Variants in PIK3R4 observed in about 807,000 individuals in gnomAD.
PIK3R4 encodes phosphoinositide-3-kinase regulatory subunit 4.
In PIK3R4, 46 loss-of-function variants were observed where a neutral mutation model predicts 136.5. The ratio of observed to expected loss-of-function variants is 0.34; its 90% confidence interval spans 0.27 to 0.43. The LOEUF (loss-of-function observed/expected upper bound fraction) is 0.43. PIK3R4 is among the 20% of genes least tolerant of loss of function. The probability of loss-of-function intolerance (pLI) is 1.00; values close to 1 mark genes in which losing one functional copy is unlikely to be tolerated. For synonymous variants in PIK3R4, 557 were observed against 566.7 expected (o/e 0.98, Z 0.24); for missense variants, 1,331 against 1,649.5 (o/e 0.81, Z 3.35).
In PIK3R4 at chr3:130,706,818, A is replaced by G. The variant is rs1048500044; in HGVS notation, c.2721+130T>C. On this transcript the variant is annotated intron_variant, in intron 11 of 19. Transcript: ENST00000356763. ...TTAAAGATAAACCTGTCTTAGAAAG[A>G]AATATGACCTCCCTAAAAGACAAGT... The G allele has an allele frequency of 1.8e-5, 10 of 560,040 alleles. No homozygotes were observed. The Middle Eastern group carries it at 9.5e-4, about 53-fold the overall frequency. 34.7% of individuals were successfully genotyped at this position (560,040 alleles called of 1,614,324 possible). A position where few individuals can be genotyped will look rare whatever the true frequency, so the allele number is the denominator to read the frequency against.
chr3:130,721,707 G>C (rs918658651), intron 7 of PIK3R4, among the ~76,000 whole-genome samples: 1 of 152,146 alleles, frequency 6.6e-6, no homozygotes, highest in African/African-American at 2.4e-5. Flanking sequence ...CTTAGAAGTA[G>C]AGAGTAGAAT....
intron 13 of PIK3R4, among the ~76,000 whole-genome samples, chr3:130,699,830 A>T (rs1205771006): frequency 3.3e-5 from 5 of 152,224 alleles, no homozygotes; most frequent in African/African-American, 1.2e-4. Flanking sequence ...TATTATAAAG[A>T]AAGTCAATCT....
At chr3:130,710,386 T>G (rs1286771183) in intron 9 of PIK3R4, among the ~76,000 whole-genome samples, 1 of 152,026 alleles carries the variant, frequency 6.6e-6, no homozygotes, top group Non-Finnish European at 1.5e-5. Context: ...AATTTAACAT[T>G]CTTCCAATAA....
At chr3:130,721,193 C>T (rs952746938) in intron 7 of PIK3R4, among the ~76,000 whole-genome samples, 3 of 151,914 alleles carry the variant, frequency 2.0e-5, no homozygotes, top group Non-Finnish European at 4.4e-5. Flanking sequence ...AAAAATTAGC[C>T]GGGCATGGTA....
chr3:130,716,320 TAAAAA>T lies in PIK3R4; in HGVS notation c.2331+71_2331+75del, dbSNP rs2066664230. 5.7e-6 allele frequency: 7 copies of T among 1,231,892 alleles called. No homozygotes were observed. The East Asian group carries it at 1.6e-4, about 29-fold the overall frequency. 76.3% of individuals were successfully genotyped at this position (1,231,892 alleles called of 1,614,324 possible). On this transcript the variant is annotated intron_variant, in intron 9 of 19. Coordinates refer to ENST00000356763, the MANE Select transcript of PIK3R4 (RefSeq NM_014602.3). ...GTAATCTAATCAATCAAAAACATTT[TAAAAA>T]ACTAAATGGACACTTCAATATTTTT...
chr3:130,732,092 G>A (rs139688048), intron 4 of PIK3R4, among the ~76,000 whole-genome samples: 398 of 152,326 alleles, frequency 2.6e-3, no homozygotes, highest in Middle Eastern at 0.014. Context: ...CAAAACCAAG[G>A]TGTAGAGCAG....
chr3:130,707,845 T>C (rs922715237), intron 10 of PIK3R4, among the ~76,000 whole-genome samples: 17 of 152,222 alleles, frequency 1.1e-4, no homozygotes, highest in Non-Finnish European at 2.9e-5. Flanking sequence ...GTCTGGTCTC[T>C]ACTCTTGTAT....
At chr3:130,728,105 T>C (rs1187271477) in intron 6 of PIK3R4, among the ~76,000 whole-genome samples, 2 of 152,232 alleles carry the variant, frequency 1.3e-5, no homozygotes, top group Admixed American at 6.5e-5. Context: ...TATAAACATA[T>C]ATGATTTCTG....
rs199688149 is a variant in PIK3R4, at chr3:130,732,793, T to TA, written c.1450+754dup. On this transcript the variant is annotated intron_variant, in intron 4 of 19. Transcript: ENST00000356763. ...ATAAAATGAATGAACTACATTTCTT[T>TA]AAAAAAAAAAAAAGACAATATCATT... is the stretch of plus-strand genomic sequence containing the variant. Among the ~76,000 whole-genome samples the TA allele has an allele frequency of 5.7e-3, 808 of 142,028 alleles. 3 individuals are homozygous for TA. The highest frequency in any genetic ancestry group is 0.017 in the African/African-American group (672 of 38,910). The allele number at this position is 142,028 out of a possible 152,430, so 93.2% of individuals were successfully genotyped here. A position where few individuals can be genotyped will look rare whatever the true frequency, so the allele number is the denominator to read the frequency against.
intron 9 of PIK3R4, among the ~76,000 whole-genome samples, chr3:130,712,148 G>T (rs968272880): frequency 1.3e-5 from 2 of 152,164 alleles, no homozygotes; most frequent in African/African-American, 4.8e-5. Flanking sequence ...CGTTCCAAAA[G>T]TGTATGTTAA....
intron 9 of PIK3R4, among the ~76,000 whole-genome samples, chr3:130,708,735 CT>C (rs1433450906): frequency 1.3e-5 from 2 of 152,242 alleles, no homozygotes; most frequent in Admixed American, 1.3e-4. Context: ...TATATCTTAA[CT>C]TTCTTCCTAA....
In PIK3R4 at chr3:130,728,569, G is replaced by A. The variant is rs2066745560; in HGVS notation, c.1701C>T (p.Phe567=). The part of the protein sequence containing the change: ...MENGITRLCV[F]FGRQKANDVL... ...CATCGTTGGCTTTCTGACGTCCAAA[G>A]AATACACACAGCCGTGTTATTCCAT... Residue 567 remains phenylalanine, a synonymous_variant, in exon 6 of 20, where the codon TTC becomes TTT. Transcript: ENST00000356763. 3 of 1,612,790 alleles carry A rather than the reference G, an allele frequency of 1.9e-6. No homozygotes were observed. Among genetic ancestry groups the A allele is most frequent in the Non-Finnish European group, 2.5e-6 (3 of 1,179,588 alleles).
chr3:130,721,820 T>C (rs1022056308), intron 7 of PIK3R4, among the ~76,000 whole-genome samples: 24 of 152,132 alleles, frequency 1.6e-4, no homozygotes, highest in African/African-American at 5.3e-4. Context: ...TCTTGTACAG[T>C]ATGTGCAAGT....
chr3:130,730,301 A>G lies in PIK3R4; in HGVS notation c.1585+7T>C. ...AACAGGAAATCTGGAAGAGAAAATT[A>G]TACAACCTGTGTCATAATTTCCATT... On this transcript the variant is annotated splice_region_variant and intron_variant, in intron 5 of 19. Coordinates refer to ENST00000356763, the MANE Select transcript of PIK3R4 (RefSeq NM_014602.3). 1 of 1,582,206 alleles carries G rather than the reference A, an allele frequency of 6.3e-7. No homozygotes were observed. The highest frequency in any genetic ancestry group is 8.6e-7 in the Non-Finnish European group (1 of 1,166,954).
chr3:130,733,498 T>C, intron 4 of PIK3R4, 50 bp downstream of exon 4: 2 of 1,244,350 alleles, frequency 1.6e-6, no homozygotes, highest in East Asian at 2.3e-5. Flanking sequence ...ATTATAGTCA[T>C]TAACTTAAAA....
At chr3:130,730,979 T>TG (rs1399914435) in intron 4 of PIK3R4, among the ~76,000 whole-genome samples, 17 of 152,244 alleles carry the variant, frequency 1.1e-4, no homozygotes, top group Non-Finnish European at 4.4e-5. Context: ...TTACAAGTGA[T>TG]ACTCAAGTTC....
chr3:130,734,482 T>C (rs2066775233), intron 3 of PIK3R4, among the ~76,000 whole-genome samples: 1 of 152,212 alleles, frequency 6.6e-6, no homozygotes, highest in Admixed American at 6.5e-5. Flanking sequence ...GAAAAATGTA[T>C]ACACACAATT....
intron 13 of PIK3R4, among the ~76,000 whole-genome samples, chr3:130,696,116 G>A (rs997783154): frequency 6.6e-6 from 1 of 151,904 alleles, no homozygotes; most frequent in Non-Finnish European, 1.5e-5. Flanking sequence ...TTTCTGTCAA[G>A]TCAGTAGTAA....
chr3:130,734,293 T>A (rs572070598), intron 3 of PIK3R4, among the ~76,000 whole-genome samples, 163 bp from the exon 4 acceptor site: 1 of 152,208 alleles, frequency 6.6e-6, no homozygotes, highest in African/African-American at 2.4e-5. Flanking sequence ...AAAAATTATA[T>A]ACAAATATAT....
Sources: gnomAD v4.1 joint callset for allele counts (sites outside exome capture counted in the v4.1 genomes callset) on GRCh38, gnomAD v4.1.1 for gene constraint, MANE v1.5 for transcripts, NCBI Gene and HGNC (gene_info 2026-07-23, HGNC 2026-07-21) for gene names.